EIF2B3: variants seen among roughly 807,000 people sequenced by gnomAD.
EIF2B3 encodes the protein eukaryotic translation initiation factor 2B subunit gamma.
Under a neutral mutation model 54.1 loss-of-function variants are expected in EIF2B3, and 20 were observed. The ratio of observed to expected loss-of-function variants is 0.37; its 90% CI spans 0.26 to 0.54. The LOEUF is 0.54. EIF2B3 is among the 20% of genes least tolerant of loss of function. The probability of loss-of-function intolerance (pLI) is 0.86; values close to 1 mark genes in which losing one functional copy is unlikely to be tolerated. For synonymous variants in EIF2B3, 153 were observed against 188.1 expected (o/e 0.81, Z 1.52); for missense variants, 448 against 547.8 (o/e 0.82, Z 1.82).
intron 5 of EIF2B3, among the ~76,000 whole-genome samples, chr1:44,904,419 C>T (rs1210995450): frequency 6.6e-6 from 1 of 152,210 alleles, no homozygotes. Context: ...ATAAAAGCCT[C>T]CTACAGTAAC....
chr1:44,874,649 GC>G (rs1239286356), intron 10 of EIF2B3, 28 bp downstream of exon 10: 1 of 1,607,454 alleles, frequency 6.2e-7, no homozygotes, highest in East Asian at 2.2e-5. Flanking sequence ...CATTATCTTT[GC>G]CTCAAGTGGG....
At chr1:44,942,978 C>T (rs1394883861) in intron 3 of EIF2B3, among the ~76,000 whole-genome samples, 1 of 151,976 alleles carries the variant, frequency 6.6e-6, no homozygotes, top group Non-Finnish European at 1.5e-5. Context: ...GCCTCAGCCT[C>T]CTGAGTAGCT....
chr1:44,888,345 A>G (rs983289154), intron 6 of EIF2B3, among the ~76,000 whole-genome samples: 2 of 152,218 alleles, frequency 1.3e-5, no homozygotes, highest in Non-Finnish European at 2.9e-5. Flanking sequence ...TTTGTGATGC[A>G]GCTTGGCCCC....
intron 5 of EIF2B3, among the ~76,000 whole-genome samples, chr1:44,903,581 C>G (rs1557678554): frequency 6.6e-6 from 1 of 152,208 alleles, no homozygotes; most frequent in East Asian, 1.9e-4. Flanking sequence ...TAGAAAAGAG[C>G]TGACAGGCAA....
chr1:44,891,731 C>T (rs1655803193), intron 6 of EIF2B3, among the ~76,000 whole-genome samples: 1 of 152,032 alleles, frequency 6.6e-6, no homozygotes, highest in African/African-American at 2.4e-5. Context: ...TGCTTGGAAG[C>T]CTTTTATAAC....
chr1:44,914,781 C>T (rs1338587267), intron 5 of EIF2B3, among the ~76,000 whole-genome samples: 3 of 152,100 alleles, frequency 2.0e-5, no homozygotes, highest in Admixed American at 6.5e-5. Context: ...CTCCGCCACC[C>T]TGTTTCACGA....
At chr1:44,866,812 C>T (rs1243805304) in intron 10 of EIF2B3, among the ~76,000 whole-genome samples, 2 of 152,214 alleles carry the variant, frequency 1.3e-5, no homozygotes, top group African/African-American at 2.4e-5. Context: ...GCCTTGGCCT[C>T]CCAAAGTGTT....
At position 44,928,060 on chromosome 1, in the gene EIF2B3, G is replaced by C. The variant is rs372136698; in HGVS notation, c.455-1321C>G. On this transcript the variant is annotated intron_variant, in intron 4 of 11. Coordinates refer to ENST00000360403, the MANE Select transcript of EIF2B3 (RefSeq NM_020365.5). ...ACCTATAGTGAGGAAGCTGAGGCAG[G>C]GGGATCCCTTTAGCCTGGGAGGCTA... is the stretch of plus-strand genomic sequence containing the variant. 1.8e-4 allele frequency among the ~76,000 whole-genome samples: 28 copies of C among 152,238 alleles called. No homozygotes were observed. The East Asian group carries it at 5.4e-3, about 29-fold the overall frequency.
At chr1:44,984,851 C>T (rs1178615702) in intron 1 of EIF2B3, among the ~76,000 whole-genome samples, 1 of 132,024 alleles carries the variant, frequency 7.6e-6, no homozygotes, top group Non-Finnish European at 1.6e-5. Context: ...CCAGGCCGGA[C>T]TGCGGACTGC....
intron 5 of EIF2B3, among the ~76,000 whole-genome samples, chr1:44,926,342 T>A (rs1048001040): frequency 1.3e-5 from 2 of 151,962 alleles, no homozygotes; most frequent in African/African-American, 4.8e-5. Context: ...CTTTTTTTTT[T>A]AAAGGGGATT....
chr1:44,877,199 A>T (rs1293086531), intron 8 of EIF2B3, among the ~76,000 whole-genome samples: 16 of 143,848 alleles, frequency 1.1e-4, no homozygotes, highest in African/African-American at 4.3e-4. Context: ...CAATAAAAAA[A>T]AAAAAAAAAA....
chr1:44,971,812 C>T (rs1366773727), intron 3 of EIF2B3, among the ~76,000 whole-genome samples: 1 of 151,382 alleles, frequency 6.6e-6, no homozygotes, highest in Non-Finnish European at 1.5e-5. Flanking sequence ...GTGGGTGGAT[C>T]ACGAGGTCAG....
chr1:44,900,369 C>G (rs1327412334), intron 5 of EIF2B3, among the ~76,000 whole-genome samples: 1 of 150,848 alleles, frequency 6.6e-6, no homozygotes, highest in Non-Finnish European at 1.5e-5. Context: ...ATTGCTTGCA[C>G]CCGGGAGGTA....
intron 5 of EIF2B3, among the ~76,000 whole-genome samples, chr1:44,900,262 C>T (rs915007537): frequency 6.6e-6 from 1 of 151,928 alleles, no homozygotes; most frequent in Non-Finnish European, 1.5e-5. Context: ...GTCTGGCCAA[C>T]GCAGTGAAAC....
chr1:44,974,605 G>A (rs1376287119), intron 3 of EIF2B3, among the ~76,000 whole-genome samples: 1 of 152,082 alleles, frequency 6.6e-6, no homozygotes, highest in Non-Finnish European at 1.5e-5. Flanking sequence ...GCTACAGTGA[G>A]CTGTGACCAC....
rs771864524 is a variant in EIF2B3 at position 44,941,556 on chromosome 1, C to T, written c.404G>A (p.Gly135Asp). 1.9e-6 allele frequency: 3 copies of T among 1,613,866 alleles called. No homozygotes were observed. The East Asian group carries it at 6.7e-5, about 36-fold the overall frequency. ...GGGAACAGGTTCTATGCTATCTTGG[C>T]CTTTTCTCATCAACATAGCAAGTGA... is the stretch of plus-strand genomic sequence containing the variant. ...DASLAMLMRK[G>D]QDSIEPVPGQ... The change falls in exon 4 of 12, where the codon GGC (glycine) becomes GAC (aspartate). Residue 135 changes from glycine to aspartate, a missense_variant. Around this residue, in one of 3 missense-constraint regions of EIF2B3, gnomAD observed 350 missense variants for 414.2 expected, o/e 0.85. Coordinates refer to ENST00000360403, the MANE Select transcript of EIF2B3 (RefSeq NM_020365.5).
chr1:44,917,494 C>CA (rs1351668302), intron 5 of EIF2B3, among the ~76,000 whole-genome samples: 1,297 of 76,628 alleles, frequency 0.017, 17 homozygotes, highest in African/African-American at 0.058. Context: ...AACTCCATCT[C>CA]AAAAAAAAAA....
Position 44,874,742 on chromosome 1 carries a change from G to A in EIF2B3, c.1138C>T (p.Leu380Phe), listed in dbSNP as rs749560754. Residue 380 changes from leucine to phenylalanine, a missense_variant, in exon 10 of 12, where the codon CTC becomes TTC. Coordinates refer to ENST00000360403, the MANE Select transcript of EIF2B3 (RefSeq NM_020365.5). ...GTAATAGTCACTCTATCTTTTATGA[G>A]ACAGGATGAGCCAATGACTGAGCGC... ...IKRSVIGSSC[L>F]IKDRVTITNC... 1 of 1,614,156 alleles carries A rather than the reference G, an allele frequency of 6.2e-7. No individual in the cohort carries two copies. Among genetic ancestry groups the A allele is most frequent in the East Asian group, 2.2e-5 (1 of 44,882 alleles).
chr1:44,883,436 C>T (rs1054935329), intron 6 of EIF2B3, among the ~76,000 whole-genome samples: 2 of 152,092 alleles, frequency 1.3e-5, no homozygotes, highest in Admixed American at 1.3e-4. Context: ...TATTGTTGAA[C>T]CTAAGATTGG....
Sources: gnomAD v4.1 joint callset for allele counts (sites outside exome capture counted in the v4.1 genomes callset) on GRCh38, gnomAD v4.1.1 for gene constraint, gnomAD v4.1.1 regional missense constraint, MANE v1.5 for transcripts, NCBI Gene and HGNC (gene_info 2026-07-23, HGNC 2026-07-21) for gene names.